ERBB4: variants seen among roughly 807,000 people sequenced by gnomAD.
The protein encoded by ERBB4 is receptor tyrosine-protein kinase erbB-4.
Under a neutral mutation model 158.0 loss-of-function variants are expected in ERBB4, and 42 were observed. That is an observed-to-expected ratio of 0.27 (90% CI 0.21 to 0.34). The LOEUF (loss-of-function observed/expected upper bound fraction) is 0.34. ERBB4 is among the 10% of genes least tolerant of loss of function. The pLI, the probability that ERBB4 is intolerant of heterozygous loss-of-function variation, is 1.00. For missense variants in ERBB4, 1,333 were observed against 1,624.1 expected (o/e 0.82, Z 3.08); for synonymous variants, 583 against 558.7 (o/e 1.04, Z -0.61).
intron 16 of ERBB4, among the ~76,000 whole-genome samples, chr2:211,644,961 A>C (rs1037801254): frequency 6.6e-6 from 1 of 151,916 alleles, no homozygotes; most frequent in Non-Finnish European, 1.5e-5. Flanking sequence ...GCAAAATCTA[A>C]GTTTTTCTTA....
chr2:212,453,066 A>G (rs1184274397), intron 1 of ERBB4, among the ~76,000 whole-genome samples: 1 of 152,164 alleles, frequency 6.6e-6, no homozygotes, highest in Non-Finnish European at 1.5e-5. Flanking sequence ...GGGGCAAATC[A>G]CTCGACTAGT....
At chr2:211,842,041 C>T (rs1033032450) in intron 3 of ERBB4, among the ~76,000 whole-genome samples, 1 of 151,938 alleles carries the variant, frequency 6.6e-6, no homozygotes, top group Admixed American at 6.6e-5. Context: ...TCCCAAATTT[C>T]TAAACATATG....
In ERBB4 at chr2:212,074,531, A is replaced by T. The variant is rs568825740; in HGVS notation, c.234+50221T>A. 5.3e-5 allele frequency among the ~76,000 whole-genome samples: 8 copies of T among 152,106 alleles called. No individual in the cohort carries two copies. In the South Asian group the frequency reaches 6.2e-4, roughly 12 times the overall value. On this transcript the variant is annotated intron_variant, in intron 2 of 27. Transcript: ENST00000342788. ...TTATTATTTAACCAAATACTATTTT[A>T]AAAAATATAATACTTCTACAGGACA...
intron 4 of ERBB4, among the ~76,000 whole-genome samples, chr2:211,761,519 GC>G (rs965484920): frequency 1.8e-4 from 27 of 152,004 alleles, no homozygotes; most frequent in African/African-American, 6.5e-4. Context: ...TCCCTCTGTG[GC>G]ACATCAGCCC....
intron 1 of ERBB4, among the ~76,000 whole-genome samples, chr2:212,497,024 T>C (rs1690613719): frequency 6.6e-6 from 1 of 151,674 alleles, no homozygotes; most frequent in Non-Finnish European, 1.5e-5. Flanking sequence ...TACTAAAAAA[T>C]ATGAAAATTA....
At chr2:211,852,288 A>C (rs1575248155) in intron 3 of ERBB4, among the ~76,000 whole-genome samples, 1 of 152,012 alleles carries the variant, frequency 6.6e-6, no homozygotes, top group African/African-American at 2.4e-5. Flanking sequence ...TTTTAAAAAA[A>C]TGACTTGGGG....
At chr2:211,400,908 C>T (rs1419926650) in intron 25 of ERBB4, among the ~76,000 whole-genome samples, 1 of 151,906 alleles carries the variant, frequency 6.6e-6, no homozygotes, top group Non-Finnish European at 1.5e-5. Context: ...TATATACCTA[C>T]TATGTACCCA....
intron 2 of ERBB4, among the ~76,000 whole-genome samples, chr2:212,113,533 C>T (rs1162767940): frequency 1.5e-5 from 2 of 134,826 alleles, no homozygotes; most frequent in East Asian, 4.2e-4. Context: ...GAGATCATGC[C>T]ACCGCACTCC....
chr2:211,827,138 G>C (rs957012248), intron 3 of ERBB4, among the ~76,000 whole-genome samples: 4 of 151,930 alleles, frequency 2.6e-5, no homozygotes, highest in African/African-American at 9.7e-5. Context: ...ATAAAATTTA[G>C]AATGTTAGAC....
At chr2:211,889,483 G>T (rs2078904770) in intron 3 of ERBB4, among the ~76,000 whole-genome samples, 1 of 151,660 alleles carries the variant, frequency 6.6e-6, no homozygotes, top group Non-Finnish European at 1.5e-5. Flanking sequence ...ACTCTAAAAT[G>T]CAGAGCGCCT....
intron 2 of ERBB4, among the ~76,000 whole-genome samples, chr2:211,948,125 A>T (rs1012873029): frequency 7.9e-5 from 12 of 152,114 alleles, no homozygotes; most frequent in Non-Finnish European, 1.3e-4. Flanking sequence ...ACACAAACAT[A>T]AAAAACATGT....
At chr2:212,433,177 T>C (rs1358720970) in intron 1 of ERBB4, among the ~76,000 whole-genome samples, 1 of 152,070 alleles carries the variant, frequency 6.6e-6, no homozygotes, top group Non-Finnish European at 1.5e-5. Flanking sequence ...ACTTCATTTG[T>C]AGATAGAGTA....
At chr2:211,663,371 T>C (rs970892805) in intron 15 of ERBB4, among the ~76,000 whole-genome samples, 2 of 152,194 alleles carry the variant, frequency 1.3e-5, no homozygotes, top group Non-Finnish European at 2.9e-5. Context: ...CCTTGGAAGA[T>C]GCCAGGGAGT....
chr2:211,610,862 A>G (rs2069167195), intron 19 of ERBB4, among the ~76,000 whole-genome samples: 1 of 152,160 alleles, frequency 6.6e-6, no homozygotes, highest in African/African-American at 2.4e-5. Context: ...CTTCGGAGAA[A>G]CAGAGGCAGA....
chr2:212,261,344 C>T (rs533701943), intron 1 of ERBB4, among the ~76,000 whole-genome samples: 130 of 152,172 alleles, frequency 8.5e-4, no homozygotes, highest in Admixed American at 1.4e-3. Context: ...CGACGAACAA[C>T]TTATGAGGAT....
chr2:211,404,297 G>A (rs187953868), intron 25 of ERBB4, among the ~76,000 whole-genome samples: 3 of 151,916 alleles, frequency 2.0e-5, no homozygotes, highest in East Asian at 1.9e-4. Flanking sequence ...AGTTTTCTAC[G>A]CCTTTGGTGA....
intron 1 of ERBB4, among the ~76,000 whole-genome samples, chr2:212,394,992 T>A (rs2090982182): frequency 6.6e-6 from 1 of 152,126 alleles, no homozygotes; most frequent in African/African-American, 2.4e-5. Context: ...TCAATAAGCA[T>A]AATATGAATA....
chr2:212,296,760 C>T (rs1475400530), intron 1 of ERBB4, among the ~76,000 whole-genome samples: 1 of 151,938 alleles, frequency 6.6e-6, no homozygotes, highest in Non-Finnish European at 1.5e-5. Flanking sequence ...TAGGTGTTCA[C>T]TAAGGCTTGG....
intron 16 of ERBB4, among the ~76,000 whole-genome samples, chr2:211,639,215 A>C (rs2070478691): frequency 6.6e-6 from 1 of 152,226 alleles, no homozygotes; most frequent in South Asian, 2.1e-4. Flanking sequence ...AATATATATA[A>C]GGACATGTTT....
Sources: allele counts gnomAD v4.1 joint callset (sites outside exome capture counted in the v4.1 genomes callset), GRCh38; gene constraint gnomAD v4.1.1; transcripts MANE v1.5; gene names NCBI Gene and HGNC (gene_info 2026-07-23, HGNC 2026-07-21).